The following STXBP5L variants were observed in gnomAD, a reference collection of about 807,000 sequenced individuals.
The protein encoded by STXBP5L is syntaxin-binding protein 5-like.
A neutral mutation model predicts 144.5 loss-of-function variants in STXBP5L; 65 were observed. The ratio of observed to expected loss-of-function variants is 0.45; its 90% CI spans 0.37 to 0.55. STXBP5L has a LOEUF of 0.55. Among genes scored for constraint, STXBP5L ranks in the 20% least tolerant of loss-of-function variants. The pLI is 0.00. For synonymous variants in STXBP5L, 505 were observed against 469.6 expected (o/e 1.08, Z -0.97); for missense variants, 1,298 against 1,405.5 (o/e 0.92, Z 1.22).
At chr3:121,076,569 G>A (rs1162828675) in intron 5 of STXBP5L, among the ~76,000 whole-genome samples, 1 of 152,068 alleles carries the variant, frequency 6.6e-6, no homozygotes, top group Non-Finnish European at 1.5e-5. Context: ...GAGTCGATAT[G>A]TGGAAACTGA....
At chr3:121,121,533 A>G in intron 6 of STXBP5L, 108 bp from the exon 7 acceptor site, 1 of 751,940 alleles carries the variant, frequency 1.3e-6, no homozygotes, top group South Asian at 2.3e-5. Flanking sequence ...TTAACCCTAG[A>G]ATGGTGGGAT....
At chr3:121,089,164 A>G (rs2042651642) in intron 5 of STXBP5L, among the ~76,000 whole-genome samples, 1 of 148,594 alleles carries the variant, frequency 6.7e-6, no homozygotes, top group African/African-American at 2.5e-5. Flanking sequence ...TACACTTAGT[A>G]TATACATAGT....
intron 9 of STXBP5L, among the ~76,000 whole-genome samples, chr3:121,197,472 T>TA (rs2047966082): frequency 6.6e-6 from 1 of 152,170 alleles, no homozygotes; most frequent in Non-Finnish European, 1.5e-5. Flanking sequence ...TGAATATTTT[T>TA]AAAAAATTTA....
intron 5 of STXBP5L, among the ~76,000 whole-genome samples, chr3:121,098,871 A>T (rs1188271618): frequency 1.3e-5 from 2 of 151,564 alleles, no homozygotes; most frequent in Non-Finnish European, 2.9e-5. Flanking sequence ...GTTATTGTGA[A>T]TTTTTTTTTC....
At position 121,115,073 on chromosome 3, in the gene STXBP5L, T is replaced by G. The variant is rs2044171558; in HGVS notation, c.605+14T>G. 3.1e-6 allele frequency: 5 copies of G among 1,597,692 alleles called. No individual in the cohort carries two copies. The East Asian group carries it at 9.1e-5, about 29-fold the overall frequency. The stretch of plus-strand genomic sequence containing the variant: ...GGCAATTGAACTGTAAGTTTGAACT[T>G]GGATATCACTTTATTGGCTTAAATA... On this transcript the variant is annotated intron_variant, in intron 6 of 26. Transcript: ENST00000471454.
At chr3:121,298,767 A>G (rs1318701712) in intron 19 of STXBP5L, among the ~76,000 whole-genome samples, 1 of 152,206 alleles carries the variant, frequency 6.6e-6, no homozygotes, top group African/African-American at 2.4e-5. Flanking sequence ...AGAGGGAAAA[A>G]TGGAGAGCTA....
intron 2 of STXBP5L, 22 bp from the exon 3 acceptor site, chr3:120,954,918 G>T (rs536214211): frequency 3.2e-6 from 5 of 1,585,016 alleles, no homozygotes; most frequent in Non-Finnish European, 3.5e-6. Context: ...GAGACTTATT[G>T]GTATTATTTG....
intron 5 of STXBP5L, among the ~76,000 whole-genome samples, chr3:121,084,601 C>T (rs1328001536): frequency 6.6e-6 from 1 of 152,164 alleles, no homozygotes; most frequent in Non-Finnish European, 1.5e-5. Flanking sequence ...TTTATTCAGT[C>T]TATCATTGAT....
intron 20 of STXBP5L, among the ~76,000 whole-genome samples, chr3:121,327,289 C>G (rs960262575): frequency 1.3e-5 from 2 of 152,094 alleles, no homozygotes; most frequent in Non-Finnish European, 2.9e-5. Context: ...AGCATAAAAC[C>G]TCATTCTCAC....
At chr3:121,138,616 C>T (rs2045363062) in intron 7 of STXBP5L, among the ~76,000 whole-genome samples, 1 of 151,970 alleles carries the variant, frequency 6.6e-6, no homozygotes. Flanking sequence ...ACATTTACAG[C>T]CAATTGATTT....
chr3:121,381,260 A>G, intron 21 of STXBP5L, 33 bp from the exon 22 acceptor site: 10 of 1,490,926 alleles, frequency 6.7e-6, no homozygotes, highest in East Asian at 2.4e-5. Flanking sequence ...TATACTAACA[A>G]TTTGTGTGGT....
At chr3:120,967,452 G>A (rs965590934) in intron 3 of STXBP5L, among the ~76,000 whole-genome samples, 6 of 152,160 alleles carry the variant, frequency 3.9e-5, no homozygotes, top group Non-Finnish European at 5.9e-5. Context: ...TTCTAGAGTA[G>A]CGCTAAGCTG....
intron 3 of STXBP5L, among the ~76,000 whole-genome samples, chr3:121,004,751 T>G (rs1944120693): frequency 6.6e-6 from 1 of 152,210 alleles, no homozygotes; most frequent in East Asian, 1.9e-4. Flanking sequence ...TTGAGAGTTT[T>G]TAGCATGAAG....
chr3:121,219,898 T>G (rs1404311099), intron 10 of STXBP5L, among the ~76,000 whole-genome samples: 3 of 152,184 alleles, frequency 2.0e-5, no homozygotes. Context: ...TAATATTTAT[T>G]ATGTTACACA....
At chr3:121,301,714 T>C (rs986147554) in intron 19 of STXBP5L, among the ~76,000 whole-genome samples, 4 of 152,182 alleles carry the variant, frequency 2.6e-5, no homozygotes, top group Admixed American at 6.5e-5. Flanking sequence ...TTTTGAGATA[T>C]GTCCCATCAA....
intron 18 of STXBP5L, among the ~76,000 whole-genome samples, chr3:121,264,820 AAAG>A: frequency 6.6e-6 from 1 of 152,022 alleles, no homozygotes; most frequent in Non-Finnish European, 1.5e-5. Context: ...AAAAAAAAAA[AAAG>A]ATTGCAATCT....
At chr3:121,390,826 TC>T (rs1166635715) in intron 22 of STXBP5L, among the ~76,000 whole-genome samples, 1 of 152,080 alleles carries the variant, frequency 6.6e-6, no homozygotes, top group African/African-American at 2.4e-5. Context: ...ATTTTTTCCT[TC>T]ATTTCAACCT....
chr3:121,003,991 C>T (rs1477754573), intron 3 of STXBP5L, among the ~76,000 whole-genome samples: 1 of 152,076 alleles, frequency 6.6e-6, no homozygotes, highest in Non-Finnish European at 1.5e-5. Context: ...CGTGATGCCT[C>T]CAGCTTTGTT....
chr3:121,282,431 C>A, intron 19 of STXBP5L: 1 of 1,183,486 alleles, frequency 8.4e-7, no homozygotes, highest in Non-Finnish European at 1.2e-6. Flanking sequence ...TTTCTTAAAA[C>A]ACATTCAGCA....
Sources: gnomAD v4.1 joint callset for allele counts (sites outside exome capture counted in the v4.1 genomes callset) on GRCh38, gnomAD v4.1.1 for gene constraint, MANE v1.5 for transcripts, NCBI Gene and HGNC (gene_info 2026-07-23, HGNC 2026-07-21) for gene names.